The following TMEM116 variants were observed in gnomAD, a reference collection of about 807,000 sequenced individuals.
TMEM116 encodes the protein transmembrane protein 116.
Under a neutral mutation model 44.3 loss-of-function variants are expected in TMEM116, and 38 were observed. The observed-to-expected ratio is 0.86, with a 90% CI of 0.66 to 1.12. TMEM116 has a LOEUF of 1.12. Ranked by LOEUF, TMEM116 falls within the 50% of genes most tolerant of loss-of-function variation. TMEM116 has a pLI of 0.00. For synonymous variants in TMEM116, 132 were observed against 144.8 expected, an observed-to-expected ratio of 0.91 and a Z score of 0.64; for missense variants, 354 against 401.7, an observed-to-expected ratio of 0.88 and a Z score of 1.01.
chr12:112,002,393 CAAAAAAA>C (rs1160168400), intron 3 of TMEM116, among the ~76,000 whole-genome samples: 2 of 66,906 alleles, frequency 3.0e-5, no homozygotes, highest in African/African-American at 5.4e-5. Context: ...AACTCTGTCT[CAAAAAAA>C]AAAAAAAAAA....
intron 4 of TMEM116, among the ~76,000 whole-genome samples, chr12:111,973,270 T>C (rs2075471488): frequency 6.6e-6 from 1 of 152,246 alleles, no homozygotes; most frequent in Admixed American, 6.5e-5. Context: ...AACTAAATTA[T>C]ACACTTCTAA....
At chr12:111,993,184 C>A in intron 3 of TMEM116, 1 of 365,280 alleles carries the variant, frequency 2.7e-6, no homozygotes, top group Non-Finnish European at 5.6e-6. Context: ...AAGTATTATG[C>A]ATTGTGTGGC....
intron 4 of TMEM116, among the ~76,000 whole-genome samples, chr12:111,948,215 C>T: frequency 6.6e-6 from 1 of 152,192 alleles, no homozygotes; most frequent in East Asian, 1.9e-4. Context: ...CCTGCTCAGC[C>T]ACCTTGCTGC....
At chr12:111,970,251 T>G (rs1180506484) in intron 4 of TMEM116, among the ~76,000 whole-genome samples, 2 of 146,640 alleles carry the variant, frequency 1.4e-5, no homozygotes, top group Non-Finnish European at 3.0e-5. Context: ...GCCACTACCC[T>G]ACACCCTGGG....
intron 4 of TMEM116, among the ~76,000 whole-genome samples, chr12:111,972,069 T>A: frequency 8.5e-6 from 1 of 117,728 alleles, no homozygotes; most frequent in Non-Finnish European, 1.7e-5. Flanking sequence ...AATGACACCC[T>A]ATCTGTGAAA....
intron 4 of TMEM116, among the ~76,000 whole-genome samples, chr12:111,975,679 A>G (rs2075629151): frequency 6.6e-6 from 1 of 152,198 alleles, no homozygotes; most frequent in African/African-American, 2.4e-5. Flanking sequence ...AAAAAAGCCA[A>G]ATAGACTTGC....
chr12:111,986,849 C>T (rs76124603), intron 4 of TMEM116, among the ~76,000 whole-genome samples: 2,338 of 152,156 alleles, frequency 0.015, 69 homozygotes, highest in African/African-American at 0.053. Context: ...TGAACATCCA[C>T]AAGCACAAGA....
Position 111,933,982 on chromosome 12 carries a change from T to C in TMEM116, c.637A>G (p.Thr213Ala), listed in dbSNP as rs149171663. 34 of 1,614,044 alleles carry C rather than the reference T, an allele frequency of 2.1e-5. No individual in the cohort carries two copies. Among genetic ancestry groups the C allele is most frequent in the Middle Eastern group, 1.6e-4 (1 of 6,084 alleles). The change falls in exon 9 of 11, where the codon ACT becomes GCT. Residue 213 changes from threonine to alanine, a missense_variant. Coordinates refer to ENST00000552374, the MANE Select transcript of TMEM116 (RefSeq NM_001193531.2). ...QTLYKKFVKS[T>A]GFLGSEQWAV... ...CACTGTTCACTCCCCAGAAAGCCAGTTGACTTCACAAACTTCTTATACAAT... is the reference window on the plus strand; with the variant it reads ...CACTGTTCACTCCCCAGAAAGCCAGCTGACTTCACAAACTTCTTATACAAT...
chr12:111,967,507 T>A (rs2075047775), intron 4 of TMEM116, among the ~76,000 whole-genome samples: 1 of 151,968 alleles, frequency 6.6e-6, no homozygotes, highest in African/African-American at 2.4e-5. Context: ...AAGAATAATT[T>A]AGATATATAT....
intron 3 of TMEM116, among the ~76,000 whole-genome samples, chr12:111,999,079 T>C (rs1483046876): frequency 3.3e-5 from 5 of 152,086 alleles, no homozygotes; most frequent in Admixed American, 2.0e-4. Context: ...CAAAGAAATG[T>C]ATAATATAGG....
chr12:111,989,655 A>G lies in TMEM116; in HGVS notation c.210+2103T>C, dbSNP rs560822058. On this transcript the variant is annotated intron_variant, in intron 4 of 10. Coordinates refer to ENST00000552374, the MANE Select transcript of TMEM116 (RefSeq NM_001193531.2). ...AAGTTGCAATCCTAAATTACCTGACATACAAAGAACAGGAAAATGTGACCC... is the reference window on the plus strand; with the variant it reads ...AAGTTGCAATCCTAAATTACCTGACGTACAAAGAACAGGAAAATGTGACCC... 3.3e-5 allele frequency among the ~76,000 whole-genome samples: 5 copies of G among 152,350 alleles called. No homozygotes were observed. In the South Asian group the frequency reaches 1.0e-3, roughly 32 times the overall value.
intron 4 of TMEM116, among the ~76,000 whole-genome samples, chr12:111,949,848 C>T (rs1235216188): frequency 6.6e-6 from 1 of 152,194 alleles, no homozygotes; most frequent in Admixed American, 6.5e-5. Context: ...AGGGTGATGG[C>T]TCATGCCTGT....
chr12:111,991,820 G>T lies in TMEM116; in HGVS notation c.148C>A (p.Leu50Ile). The change falls in exon 4 of 11, where the codon CTC becomes ATC. Residue 50 changes from leucine (L) to isoleucine (I), a missense_variant. Transcript: ENST00000552374. Reference sequence around the variant, plus strand: ...TTATTTGCTACTGAAGCTCCATAGAGAAGTGTCTCCGTGAGCCAGCAAAGT... The same window carrying T: ...TTATTTGCTACTGAAGCTCCATAGATAAGTGTCTCCGTGAGCCAGCAAAGT... ...LGLCWLTETL[L>I]YGASVANKDI... is the part of the protein sequence containing the mutation. The T allele has an allele frequency of 6.5e-7, 1 of 1,536,082 alleles. No homozygotes were observed. Among genetic ancestry groups the T allele is most frequent in the Non-Finnish European group, 8.7e-7 (1 of 1,146,746 alleles).
In TMEM116 at chr12:111,943,280, C is replaced by T; in HGVS notation, c.300G>A (p.Gln100=). The T allele has an allele frequency of 6.2e-7, 1 of 1,613,156 alleles. No individual in the cohort carries two copies. The highest frequency in any genetic ancestry group is 8.5e-7 in the Non-Finnish European group (1 of 1,179,150). The change falls in exon 5 of 11, where the codon CAG becomes CAA. Residue 100 remains glutamine (Q), a synonymous_variant. Coordinates refer to ENST00000552374, the MANE Select transcript of TMEM116 (RefSeq NM_001193531.2). ...ELRMKHTQSG[Q]STSPLVIDYT... ...TAAAACTTACCAGTGGAGATGTGCT[C>T]TGTCCACTCTGGGTGTGTTTCATCC...
intron 4 of TMEM116, among the ~76,000 whole-genome samples, chr12:111,984,269 A>G (rs907173679): frequency 6.6e-6 from 1 of 152,208 alleles, no homozygotes; most frequent in African/African-American, 2.4e-5. Context: ...ATTTGCAACA[A>G]CATAGATGGA....
At chr12:111,984,690 C>T (rs553781500) in intron 4 of TMEM116, among the ~76,000 whole-genome samples, 85 of 152,018 alleles carry the variant, frequency 5.6e-4, no homozygotes, top group Non-Finnish European at 9.9e-4. Flanking sequence ...AACAGTATAA[C>T]TGTATTGCTT....
Position 111,936,689 on chromosome 12 carries a change from T to C in TMEM116, c.588+3A>G, listed in dbSNP as rs12426460. 1 of 1,613,422 alleles carries C rather than the reference T, an allele frequency of 6.2e-7. No homozygotes were observed. The highest frequency in any genetic ancestry group is 8.5e-7 in the Non-Finnish European group (1 of 1,179,746). ...CACAAAGGAAGGTAGGGTGGTACCA[T>C]ACCATAATGGTAAGGAGGCTGAGTA... On this transcript the variant is annotated splice_donor_region_variant and intron_variant, in intron 8 of 10. Coordinates refer to ENST00000552374, the MANE Select transcript of TMEM116 (RefSeq NM_001193531.2).
chr12:111,973,026 TA>T (rs776785620), intron 4 of TMEM116, among the ~76,000 whole-genome samples: 14 of 152,068 alleles, frequency 9.2e-5, no homozygotes, highest in Non-Finnish European at 1.5e-4. Context: ...TAGTCCCAGC[TA>T]CTCAGGAGGC....
intron 4 of TMEM116, chr12:111,965,761 T>TA (rs59183823): frequency 0.037 from 12,027 of 321,860 alleles, no homozygotes; most frequent in South Asian, 0.051. Context: ...CCGTCTCCCC[T>TA]AAAAAAAAAA....
Sources: gnomAD v4.1 joint callset for allele counts (sites outside exome capture counted in the v4.1 genomes callset) on GRCh38, gnomAD v4.1.1 for gene constraint, MANE v1.5 for transcripts, NCBI Gene and HGNC (gene_info 2026-07-23, HGNC 2026-07-21) for gene names.